Variants in UGGT2 observed in about 807,000 individuals in gnomAD.
The protein encoded by UGGT2 is UDP-glucose glycoprotein glucosyltransferase 2, also known as UDP-glucose:glycoprotein glucosyltransferase 2.
A neutral mutation model predicts 192.1 loss-of-function variants in UGGT2; 180 were observed. The ratio of observed to expected loss-of-function variants is 0.94; its 90% CI spans 0.83 to 1.06. The LOEUF is 1.06. Among genes scored for constraint, UGGT2 ranks in the 50% least tolerant of loss-of-function variants. The pLI is 0.00. For synonymous variants in UGGT2, 580 were observed against 591.0 expected (o/e 0.98, Z 0.27); for missense variants, 1,849 against 1,795.7 (o/e 1.03, Z -0.54).
At chr13:95,856,123 T>A in intron 34 of UGGT2, 35 bp downstream of exon 34, 1 of 1,523,398 alleles carries the variant, frequency 6.6e-7, no homozygotes, top group Non-Finnish European at 8.9e-7. Flanking sequence ...AAAAAATGTT[T>A]GCGTATTACT....
At chr13:96,047,693 C>A (rs1415854284) in intron 1 of UGGT2, among the ~76,000 whole-genome samples, 1 of 152,088 alleles carries the variant, frequency 6.6e-6, no homozygotes, top group Non-Finnish European at 1.5e-5. Flanking sequence ...ATCCTAGTCT[C>A]TGATAAAACA....
At chr13:96,007,445 T>A (rs1256826066) in intron 5 of UGGT2, among the ~76,000 whole-genome samples, 1 of 152,160 alleles carries the variant, frequency 6.6e-6, no homozygotes, top group Non-Finnish European at 1.5e-5. Flanking sequence ...CTAGAAGCCT[T>A]AGCCAGAGTA....
intron 22 of UGGT2, among the ~76,000 whole-genome samples, chr13:95,897,657 A>C (rs2047984816): frequency 6.6e-6 from 1 of 152,212 alleles, no homozygotes; most frequent in East Asian, 1.9e-4. Context: ...TGCTGTGATT[A>C]TTATGCTTAA....
intron 17 of UGGT2, among the ~76,000 whole-genome samples, chr13:95,930,226 T>TAAACA: frequency 6.6e-6 from 1 of 152,222 alleles, no homozygotes; most frequent in Non-Finnish European, 1.5e-5. Context: ...GTAGGCTGTC[T>TAAACA]GTTTACTCTG....
chr13:95,850,389 G>A (rs1267002298), intron 36 of UGGT2, among the ~76,000 whole-genome samples: 2 of 152,206 alleles, frequency 1.3e-5, no homozygotes, highest in African/African-American at 2.4e-5. Flanking sequence ...ATGAGCCTAT[G>A]GGAGTGGCAT....
chr13:96,029,728 A>G (rs975114330), intron 2 of UGGT2, among the ~76,000 whole-genome samples: 2 of 152,336 alleles, frequency 1.3e-5, no homozygotes, highest in South Asian at 4.1e-4. Context: ...TTGTCCAGGT[A>G]TATCATTTCA....
chr13:95,831,271 T>C (rs1056614283), intron 38 of UGGT2, among the ~76,000 whole-genome samples: 1 of 152,024 alleles, frequency 6.6e-6, no homozygotes, highest in Non-Finnish European at 1.5e-5. Context: ...GAACTTAAAG[T>C]ATAATAATAA....
chr13:96,015,941 T>C (rs1359861130), intron 4 of UGGT2, among the ~76,000 whole-genome samples: 1 of 152,210 alleles, frequency 6.6e-6, no homozygotes, highest in African/African-American at 2.4e-5. Context: ...ACATGGTAGG[T>C]GAACTTTTTG....
intron 1 of UGGT2, among the ~76,000 whole-genome samples, chr13:96,033,609 C>G (rs2052906943): frequency 6.6e-6 from 1 of 152,212 alleles, no homozygotes. Flanking sequence ...CCAACACAGA[C>G]TTGAAAGTGC....
At chr13:95,996,973 A>C (rs2051643372) in intron 6 of UGGT2, among the ~76,000 whole-genome samples, 1 of 152,156 alleles carries the variant, frequency 6.6e-6, no homozygotes, top group South Asian at 2.1e-4. Flanking sequence ...GTGCTTTAGG[A>C]TCATAAAGAC....
intron 17 of UGGT2, 136 bp from the exon 18 acceptor site, chr13:95,927,472 T>A: frequency 2.4e-4 from 40 of 163,426 alleles, no homozygotes; most frequent in Non-Finnish European, 3.0e-4. Context: ...TTTTCTTTCT[T>A]TTTTTTTTTT....
rs1055067020 is a variant in UGGT2, at chr13:96,011,123, T to G, written c.660+2184A>C. Among the ~76,000 whole-genome samples, 7 of 152,256 alleles carry G rather than the reference T, an allele frequency of 4.6e-5. No individual in the cohort carries two copies. In the East Asian group the frequency reaches 1.3e-3, roughly 29 times the overall value. ...AAACCTTAAATGGATCATAAACCTA[T>G]GTGTAAACATAAAACTATAAAACGC... On this transcript the variant is annotated intron_variant, in intron 5 of 38. Transcript: ENST00000376747.
chr13:95,965,273 T>C (rs9562001), intron 12 of UGGT2, among the ~76,000 whole-genome samples: 57,204 of 149,220 alleles, frequency 0.38, 11,257 homozygotes, highest in Middle Eastern at 0.46. Flanking sequence ...ATCATGCTGC[T>C]ATAAAGACAC....
At chr13:95,843,942 TTTA>T (rs1193289122) in intron 36 of UGGT2, among the ~76,000 whole-genome samples, 7 of 151,970 alleles carry the variant, frequency 4.6e-5, no homozygotes, top group African/African-American at 1.2e-4. Context: ...TTTTGGTGAT[TTTA>T]TTTTTTATTT....
intron 38 of UGGT2, among the ~76,000 whole-genome samples, chr13:95,802,345 T>C (rs866252624): frequency 6.6e-6 from 1 of 152,194 alleles, no homozygotes; most frequent in Non-Finnish European, 1.5e-5. Context: ...AGCTGTCACA[T>C]ACCAACTGAT....
At chr13:95,984,193 A>T (rs746573389) in intron 9 of UGGT2, among the ~76,000 whole-genome samples, 1 of 152,220 alleles carries the variant, frequency 6.6e-6, no homozygotes, top group African/African-American at 2.4e-5. Flanking sequence ...GTATGAAATT[A>T]CCAATGTATA....
At chr13:95,862,829 T>C (rs1048004565) in intron 31 of UGGT2, among the ~76,000 whole-genome samples, 2 of 152,198 alleles carry the variant, frequency 1.3e-5, no homozygotes, top group African/African-American at 2.4e-5. Flanking sequence ...GGTGTACTCC[T>C]GGATTCTTTA....
intron 27 of UGGT2, 68 bp downstream of exon 27, chr13:95,884,423 C>T: frequency 2.3e-6 from 3 of 1,294,318 alleles, no homozygotes; most frequent in Non-Finnish European, 3.1e-6. Context: ...TCACTTGCTA[C>T]AATTGTAATA....
chr13:95,975,263 CAGA>C (rs2050901342), intron 10 of UGGT2, among the ~76,000 whole-genome samples: 1 of 152,146 alleles, frequency 6.6e-6, no homozygotes, highest in African/African-American at 2.4e-5. Context: ...GGGCCAATCT[CAGA>C]AGAACAAGAA....
Sources: allele counts gnomAD v4.1 joint callset (sites outside exome capture counted in the v4.1 genomes callset), GRCh38; gene constraint gnomAD v4.1.1; transcripts MANE v1.5; gene names NCBI Gene and HGNC (gene_info 2026-07-23, HGNC 2026-07-21).